Variants in DTNA observed in about 807,000 individuals in gnomAD.
DTNA encodes dystrophin-related protein 3.
A neutral mutation model predicts 100.7 loss-of-function variants in DTNA; 43 were observed. That is an observed-to-expected ratio of 0.43 (90% CI 0.33 to 0.55). The LOEUF is 0.55. Ranked by LOEUF, DTNA falls within the 20% of genes least tolerant of loss-of-function variation. The pLI, the probability that DTNA is intolerant of heterozygous loss-of-function variation, is 0.04. For synonymous variants in DTNA, 349 were observed against 347.9 expected, an observed-to-expected ratio of 1.00 and a Z score of -0.04; for missense variants, 798 against 953.9, an observed-to-expected ratio of 0.84 and a Z score of 2.15.
At chr18:34,654,631 C>T (rs2074090297) in intron 1 of DTNA, among the ~76,000 whole-genome samples, 1 of 152,102 alleles carries the variant, frequency 6.6e-6, no homozygotes, top group African/African-American at 2.4e-5. Context: ...TAAAAAAATA[C>T]CTCTGAATCC....
intron 14 of DTNA, 71 bp from the exon 15 acceptor site, chr18:34,851,760 T>A: frequency 6.7e-7 from 1 of 1,486,944 alleles, no homozygotes; most frequent in Non-Finnish European, 9.4e-7. Flanking sequence ...GCATATCTCA[T>A]GACTCCTGCC....
intron 1 of DTNA, among the ~76,000 whole-genome samples, chr18:34,549,087 C>T (rs1039094362): frequency 5.3e-5 from 8 of 151,962 alleles, no homozygotes; most frequent in African/African-American, 1.9e-4. Context: ...AGAGCTCCTG[C>T]CTCCTGGTGT....
At chr18:34,819,878 T>C (rs758075382) in intron 8 of DTNA, among the ~76,000 whole-genome samples, 1 of 151,956 alleles carries the variant, frequency 6.6e-6, no homozygotes, top group Non-Finnish European at 1.5e-5. Context: ...TTATGGACTC[T>C]AGGTATAAAA....
At chr18:34,579,888 T>G (rs1402192671) in intron 1 of DTNA, among the ~76,000 whole-genome samples, 1 of 152,180 alleles carries the variant, frequency 6.6e-6, no homozygotes, top group Non-Finnish European at 1.5e-5. Context: ...CCTATCATCT[T>G]TTCAGGTATT....
intron 1 of DTNA, among the ~76,000 whole-genome samples, chr18:34,660,270 A>G (rs1320179979): frequency 2.6e-5 from 4 of 152,032 alleles, no homozygotes; most frequent in African/African-American, 9.7e-5. Context: ...CTGGAAAACT[A>G]GTTCAGGCCG....
chr18:34,791,113 G>A (rs923287905), intron 3 of DTNA, among the ~76,000 whole-genome samples: 2 of 152,176 alleles, frequency 1.3e-5, no homozygotes, highest in African/African-American at 4.8e-5. Context: ...GGCCACTCCT[G>A]TGGTCACTCC....
At chr18:34,547,504 G>A (rs901597108) in intron 1 of DTNA, among the ~76,000 whole-genome samples, 5 of 152,084 alleles carry the variant, frequency 3.3e-5, no homozygotes, top group African/African-American at 1.2e-4. Context: ...ATTACTCTGT[G>A]CTCTGACCTG....
Position 34,597,397 on chromosome 18 carries a change from C to T in DTNA, c.-2+103883C>T, listed in dbSNP as rs117614230. ...CATTCTCTCTGCAGTTGCTCTACTT[C>T]AGGTCTTCATCATTTAACTTGGCTA... On this transcript the variant is annotated intron_variant, in intron 1 of 19. Transcript: ENST00000283365. Among the ~76,000 whole-genome samples, 206 of 152,282 alleles carry T rather than the reference C, an allele frequency of 1.4e-3. 2 individuals carry two copies. The East Asian group carries it at 0.034, about 25-fold the overall frequency.
At chr18:34,672,724 AC>A (rs2076920829) in intron 1 of DTNA, among the ~76,000 whole-genome samples, 1 of 152,116 alleles carries the variant, frequency 6.6e-6, no homozygotes, top group African/African-American at 2.4e-5. Flanking sequence ...TAATAATAGG[AC>A]AAAAAAGTTT....
upstream of DTNA, among the ~76,000 whole-genome samples, chr18:34,707,332 A>G (rs2082241938): frequency 6.6e-6 from 1 of 152,166 alleles, no homozygotes; most frequent in Non-Finnish European, 1.5e-5. Flanking sequence ...TGAATTCTTC[A>G]TATGAAATTA....
intron 1 of DTNA, among the ~76,000 whole-genome samples, chr18:34,754,386 C>G (rs1189291486): frequency 6.6e-6 from 1 of 152,192 alleles, no homozygotes; most frequent in Non-Finnish European, 1.5e-5. Flanking sequence ...ATAATTACCT[C>G]ATTGTGTCTT....
chr18:34,823,104 A>G (rs2095767161), intron 9 of DTNA, among the ~76,000 whole-genome samples: 1 of 152,166 alleles, frequency 6.6e-6, no homozygotes, highest in Non-Finnish European at 1.5e-5. Context: ...TTCAAATGCT[A>G]TTGTCATGAG....
At chr18:34,635,349 C>T (rs10468917) in intron 1 of DTNA, among the ~76,000 whole-genome samples, 10,256 of 152,124 alleles carry the variant, frequency 0.067, 425 homozygotes, top group African/African-American at 0.079. Flanking sequence ...ATTTCTTTGA[C>T]CTACAGATTT....
At chr18:34,684,475 A>C (rs2078584590) in intron 1 of DTNA, among the ~76,000 whole-genome samples, 1 of 152,118 alleles carries the variant, frequency 6.6e-6, no homozygotes, top group African/African-American at 2.4e-5. Context: ...AAAGGACATG[A>C]ACTCGTTCTT....
At chr18:34,689,408 G>A (rs2079403017) in intron 1 of DTNA, among the ~76,000 whole-genome samples, 1 of 152,132 alleles carries the variant, frequency 6.6e-6, no homozygotes, top group African/African-American at 2.4e-5. Context: ...CCCCTCTGCT[G>A]CAGGTCTGCT....
At chr18:34,534,160 A>G (rs1229974971) in intron 1 of DTNA, among the ~76,000 whole-genome samples, 2 of 151,926 alleles carry the variant, frequency 1.3e-5, no homozygotes, top group African/African-American at 2.4e-5. Context: ...AGCCTGGCCA[A>G]CGTGGTGAAA....
intron 1 of DTNA, among the ~76,000 whole-genome samples, chr18:34,670,654 G>A (rs979032459): frequency 6.6e-6 from 1 of 152,220 alleles, no homozygotes; most frequent in Non-Finnish European, 1.5e-5. Flanking sequence ...AGGACCCTCA[G>A]CTGCAGGTCT....
chr18:34,751,617 C>T (rs966358081), intron 1 of DTNA, among the ~76,000 whole-genome samples: 1 of 152,198 alleles, frequency 6.6e-6, no homozygotes, highest in Non-Finnish European at 1.5e-5. Flanking sequence ...TGCTTTTCTT[C>T]ACGATTCTAT....
chr18:34,821,424 G>A (rs145320768), intron 9 of DTNA: 25 of 450,500 alleles, frequency 5.5e-5, no homozygotes, highest in Non-Finnish European at 1.0e-4. Flanking sequence ...TGAAGAGGGG[G>A]AGTGGCGGGA....
Sources: allele counts gnomAD v4.1 joint callset (sites outside exome capture counted in the v4.1 genomes callset), GRCh38; gene constraint gnomAD v4.1.1; transcripts MANE v1.5; gene names NCBI Gene and HGNC (gene_info 2026-07-23, HGNC 2026-07-21).